The following ENTREP2 variants were observed in gnomAD, a reference collection of about 807,000 sequenced individuals.
ENTREP2 encodes the protein endosomal transmembrane epsin interactor 2, also known as protein ENTREP2.
the ENTREP2 span, among the ~76,000 whole-genome samples, chr15:29,295,774 C>T: frequency 1.2e-4 from 19 of 152,074 alleles, no homozygotes; most frequent in South Asian, 4.1e-4. Context: ...AGCCTGGAGA[C>T]GCTGGACAAA....
At chr15:29,457,789 T>G in the ENTREP2 span, among the ~76,000 whole-genome samples, 1 of 152,134 alleles carries the variant, frequency 6.6e-6, no homozygotes, top group Non-Finnish European at 1.5e-5. Context: ...GGTTCCAGAT[T>G]TGCAGTTTGA....
the ENTREP2 span, among the ~76,000 whole-genome samples, chr15:29,480,949 C>A: frequency 6.6e-6 from 1 of 152,134 alleles, no homozygotes; most frequent in Non-Finnish European, 1.5e-5. Flanking sequence ...ACTCAGAAAT[C>A]CTGCAGAGGA....
chr15:29,439,307 ACAC>A, the ENTREP2 span, among the ~76,000 whole-genome samples: 1 of 149,002 alleles, frequency 6.7e-6, no homozygotes, highest in Non-Finnish European at 1.5e-5. Context: ...ACACACACAC[ACAC>A]ACACACACAC....
chr15:29,598,797 C>T, the ENTREP2 span, among the ~76,000 whole-genome samples: 4 of 152,250 alleles, frequency 2.6e-5, no homozygotes, highest in East Asian at 1.9e-4. Flanking sequence ...CTCAGGTTCA[C>T]GCTGTTCTCC....
chr15:29,216,355 TCA>T, the ENTREP2 span, among the ~76,000 whole-genome samples: 1 of 152,232 alleles, frequency 6.6e-6, no homozygotes, highest in African/African-American at 2.4e-5. Flanking sequence ...TGATAGGTTT[TCA>T]TTTATAGGTT....
chr15:29,662,597 T>C, the ENTREP2 span, among the ~76,000 whole-genome samples: 1 of 152,184 alleles, frequency 6.6e-6, no homozygotes, highest in Non-Finnish European at 1.5e-5. Flanking sequence ...CTCAGAAGCC[T>C]GCCTGGGCTG....
At chr15:29,370,885 G>A in the ENTREP2 span, among the ~76,000 whole-genome samples, 3 of 152,116 alleles carry the variant, frequency 2.0e-5, no homozygotes, top group Admixed American at 2.0e-4. Context: ...ATGGAAGAGT[G>A]TCTGGAACAC....
the ENTREP2 span, among the ~76,000 whole-genome samples, chr15:29,313,839 A>G: frequency 6.6e-6 from 1 of 152,222 alleles, no homozygotes; most frequent in African/African-American, 2.4e-5. Flanking sequence ...TAAATTGACA[A>G]CCTTCTGGAA....
chr15:29,236,404 T>C, the ENTREP2 span, among the ~76,000 whole-genome samples: 1 of 151,970 alleles, frequency 6.6e-6, no homozygotes, highest in Non-Finnish European at 1.5e-5. Flanking sequence ...CTAGCACTTT[T>C]GGAGGCTGAG....
the ENTREP2 span, among the ~76,000 whole-genome samples, chr15:29,139,417 C>A: frequency 1.3e-5 from 2 of 152,338 alleles, no homozygotes; most frequent in South Asian, 4.1e-4. Context: ...ATGCCTGCTG[C>A]ACAGAGCTGA....
chr15:29,519,290 C>A, the ENTREP2 span, among the ~76,000 whole-genome samples: 1 of 151,918 alleles, frequency 6.6e-6, no homozygotes, highest in Non-Finnish European at 1.5e-5. Context: ...CAGGTTTGAA[C>A]TGGGCGAGTC....
the ENTREP2 span, among the ~76,000 whole-genome samples, chr15:29,240,241 G>A: frequency 6.6e-6 from 1 of 152,244 alleles, no homozygotes; most frequent in South Asian, 2.1e-4. Context: ...GCACATGCCT[G>A]TAATCCCAGA....
At chr15:29,169,648 T>C in the ENTREP2 span, among the ~76,000 whole-genome samples, 1 of 152,248 alleles carries the variant, frequency 6.6e-6, no homozygotes, top group East Asian at 1.9e-4. Flanking sequence ...TAATGTAATT[T>C]ATTAATGGAA....
chr15:29,283,185 T>C, the ENTREP2 span, among the ~76,000 whole-genome samples: 1 of 152,184 alleles, frequency 6.6e-6, no homozygotes, highest in Non-Finnish European at 1.5e-5. Flanking sequence ...AGAGGGAGCC[T>C]GTCCTGCACA....
At chr15:29,476,430 T>G in the ENTREP2 span, among the ~76,000 whole-genome samples, 22 of 152,260 alleles carry the variant, frequency 1.4e-4, no homozygotes, top group Middle Eastern at 3.4e-3. Context: ...AAAATGACGT[T>G]AGAATGCCCG....
At chr15:29,622,319 C>T in the ENTREP2 span, among the ~76,000 whole-genome samples, 2 of 152,244 alleles carry the variant, frequency 1.3e-5, no homozygotes. Flanking sequence ...AATTCTCCTG[C>T]TTCAGCCTCC....
At chr15:29,214,675 C>T in the ENTREP2 span, among the ~76,000 whole-genome samples, 10,026 of 142,718 alleles carry the variant, frequency 0.07, 1,164 homozygotes, top group African/African-American at 0.24. Flanking sequence ...TACCCTAGAA[C>T]TTAAAGTATA....
the ENTREP2 span, chr15:29,123,163 C>T: frequency 1.9e-5 from 12 of 642,548 alleles, no homozygotes; most frequent in East Asian, 5.6e-5. Flanking sequence ...CGGCTCCCCT[C>T]GAGAGAGGGG....
chr15:29,657,457 C>T, the ENTREP2 span, among the ~76,000 whole-genome samples: 5 of 102,508 alleles, frequency 4.9e-5, no homozygotes, highest in South Asian at 2.0e-3. Flanking sequence ...TGGACCCCTG[C>T]GAGTTGCCGC....
Sources: allele counts gnomAD v4.1 joint callset (sites outside exome capture counted in the v4.1 genomes callset), GRCh38; gene constraint gnomAD v4.1.1; transcripts MANE v1.5; gene names NCBI Gene and HGNC (gene_info 2026-07-23, HGNC 2026-07-21).